UBTD1: variants seen among roughly 807,000 people sequenced by gnomAD.
UBTD1 encodes ubiquitin domain containing 1, also known as ubiquitin domain-containing protein 1.
In UBTD1, 19 loss-of-function variants were observed where a neutral mutation model predicts 21.7. The ratio of observed to expected loss-of-function variants is 0.87; its 90% CI spans 0.61 to 1.28. The LOEUF (loss-of-function observed/expected upper bound fraction) is 1.28, where lower values mean the gene tolerates loss of function less well. UBTD1 is among the 50% of genes most tolerant of loss of function. The pLI is 0.00. For missense variants in UBTD1, 282 were observed against 315.1 expected (o/e 0.89, Z 0.80); for synonymous variants, 116 against 135.1 (o/e 0.86, Z 0.98).
intron 1 of UBTD1, among the ~76,000 whole-genome samples, chr10:97,525,658 G>T (rs1210671157): frequency 6.6e-6 from 1 of 152,056 alleles, no homozygotes; most frequent in South Asian, 2.1e-4. Flanking sequence ...GCCTTCTCTG[G>T]TCCCCCATTC....
At chr10:97,558,184 A>G (rs550862554) in intron 1 of UBTD1, among the ~76,000 whole-genome samples, 15 of 152,034 alleles carry the variant, frequency 9.9e-5, no homozygotes, top group Non-Finnish European at 1.8e-4. Flanking sequence ...GGTTGGGCCT[A>G]CTAGAATAAA....
At chr10:97,505,287 A>G (rs1189705164) in intron 1 of UBTD1, among the ~76,000 whole-genome samples, 1 of 152,220 alleles carries the variant, frequency 6.6e-6, no homozygotes, top group Non-Finnish European at 1.5e-5. Flanking sequence ...TCCCCTGCCT[A>G]GTTCACAGAA....
chr10:97,536,030 T>A (rs2040559836), intron 1 of UBTD1, among the ~76,000 whole-genome samples: 1 of 135,778 alleles, frequency 7.4e-6, no homozygotes, highest in Non-Finnish European at 1.6e-5. Context: ...TTTGCTCTAG[T>A]CACCCAGGCT....
intron 1 of UBTD1, 61 bp downstream of exon 1, chr10:97,499,334 G>C (rs1420329537): frequency 6.6e-7 from 1 of 1,524,312 alleles, no homozygotes; most frequent in South Asian, 1.2e-5. Flanking sequence ...CTCCTCGCCC[G>C]AGTCCTGGGC....
intron 1 of UBTD1, among the ~76,000 whole-genome samples, chr10:97,543,629 G>C (rs74155503): frequency 0.017 from 2,540 of 152,256 alleles, 65 homozygotes; most frequent in African/African-American, 0.057. Context: ...TCACACAGCA[G>C]GTCCTGATGG....
At chr10:97,537,313 C>T (rs1430240713) in intron 1 of UBTD1, among the ~76,000 whole-genome samples, 1 of 152,148 alleles carries the variant, frequency 6.6e-6, no homozygotes, top group East Asian at 1.9e-4. Context: ...TGTCATTTGA[C>T]CATGAAGAAT....
Position 97,542,148 on chromosome 10 carries a change from G to A in UBTD1, c.71-25766G>A, listed in dbSNP as rs775083575. The stretch of plus-strand genomic sequence containing the variant: ...CTGAAGCAGCTGTGGCTGTTCCAGG[G>A]CGGGGGTCAGGCTGAGAGTGGTGCC... On this transcript the variant is annotated intron_variant, in intron 1 of 2. Coordinates refer to ENST00000370664, the MANE Select transcript of UBTD1 (RefSeq NM_024954.5). Among the ~76,000 whole-genome samples the A allele has an allele frequency of 3.4e-4, 52 of 152,194 alleles. 1 individual carries two copies. Among genetic ancestry groups the A allele is most frequent in the Non-Finnish European group, 6.8e-4 (46 of 68,024 alleles).
intron 1 of UBTD1, among the ~76,000 whole-genome samples, chr10:97,540,650 C>T (rs1259441873): frequency 1.3e-5 from 2 of 152,228 alleles, no homozygotes. Flanking sequence ...GAATAACATG[C>T]CTAAGTCATG....
chr10:97,563,653 G>A (rs2040704214), intron 1 of UBTD1, among the ~76,000 whole-genome samples: 1 of 152,154 alleles, frequency 6.6e-6, no homozygotes, highest in East Asian at 1.9e-4. Flanking sequence ...CGGATTAGGG[G>A]TAGTACTAGG....
chr10:97,542,809 A>G (rs751122210), intron 1 of UBTD1, among the ~76,000 whole-genome samples: 3 of 152,188 alleles, frequency 2.0e-5, no homozygotes, highest in Non-Finnish European at 4.4e-5. Flanking sequence ...CACCCTGGCT[A>G]TAAGGGCTGT....
chr10:97,566,099 T>C (rs957459501), intron 1 of UBTD1, among the ~76,000 whole-genome samples: 4 of 152,130 alleles, frequency 2.6e-5, no homozygotes, highest in African/African-American at 9.7e-5. Flanking sequence ...AATTAAACAT[T>C]TTTAAAAAAT....
At chr10:97,517,403 G>C (rs944975220) in intron 1 of UBTD1, among the ~76,000 whole-genome samples, 3 of 152,130 alleles carry the variant, frequency 2.0e-5, no homozygotes, top group African/African-American at 7.2e-5. Context: ...CTGGAGAATG[G>C]CTCCTGGGCC....
rs57859135 is a variant in UBTD1, at chr10:97,537,820, CTTT to C, written c.71-30073_71-30071del. On this transcript the variant is annotated intron_variant, in intron 1 of 2. Coordinates refer to ENST00000370664, the MANE Select transcript of UBTD1 (RefSeq NM_024954.5). The stretch of plus-strand genomic sequence containing the variant: ...GGTGTGTGCTTGTAACAGGCTTTCT[CTTT>C]TTTTTTTTTTTTTTTTTTTTGAGAC... Among the ~76,000 whole-genome samples the C allele has an allele frequency of 1.8e-3, 211 of 119,486 alleles. 1 individual carries two copies. Among genetic ancestry groups the C allele is most frequent in the African/African-American group, 6.6e-3 (205 of 30,984 alleles). 78.4% of individuals were successfully genotyped at this position (119,486 alleles called of 152,430 possible). A position where few individuals can be genotyped will look rare whatever the true frequency, so the allele number is the denominator to read the frequency against.
rs532273813 is a variant in UBTD1 at position 97,539,472 on chromosome 10, G to A, written c.71-28442G>A. 2.4e-3 allele frequency among the ~76,000 whole-genome samples: 361 copies of A among 152,056 alleles called. No homozygotes were observed. The Middle Eastern group carries it at 0.024, about 10-fold the overall frequency. On this transcript the variant is annotated intron_variant, in intron 1 of 2. Coordinates refer to ENST00000370664, the MANE Select transcript of UBTD1 (RefSeq NM_024954.5). ...TAGCTGGGTGTGGTGATGCACACTT[G>A]TGGTCCCAGCTACTCGGGAGGCTAA...
At chr10:97,540,717 A>G (rs908512341) in intron 1 of UBTD1, among the ~76,000 whole-genome samples, 7 of 152,226 alleles carry the variant, frequency 4.6e-5, no homozygotes, top group Non-Finnish European at 4.4e-5. Context: ...CCTTTTGGCA[A>G]CCTACTGGTA....
chr10:97,547,561 T>C (rs2040617008), intron 1 of UBTD1, among the ~76,000 whole-genome samples: 1 of 151,716 alleles, frequency 6.6e-6, no homozygotes, highest in African/African-American at 2.4e-5. Flanking sequence ...GGCAGGAGTT[T>C]TCTTTTCTTT....
intron 1 of UBTD1, among the ~76,000 whole-genome samples, chr10:97,518,342 C>T (rs765608729): frequency 5.9e-5 from 9 of 152,190 alleles, no homozygotes; most frequent in Non-Finnish European, 1.2e-4. Context: ...GTTCTTTCTC[C>T]CTAGCTGCCC....
chr10:97,538,341 A>G (rs2040572865), intron 1 of UBTD1, among the ~76,000 whole-genome samples: 1 of 152,192 alleles, frequency 6.6e-6, no homozygotes, highest in African/African-American at 2.4e-5. Context: ...TATTTTTAAA[A>G]AAGTAAAAAT....
At chr10:97,559,187 G>A (rs558669887) in intron 1 of UBTD1, among the ~76,000 whole-genome samples, 3 of 152,314 alleles carry the variant, frequency 2.0e-5, no homozygotes, top group Admixed American at 6.5e-5. Context: ...CAGGGACTTC[G>A]GGATATAGCA....
Sources: gnomAD v4.1 joint callset for allele counts (sites outside exome capture counted in the v4.1 genomes callset) on GRCh38, gnomAD v4.1.1 for gene constraint, MANE v1.5 for transcripts, NCBI Gene and HGNC (gene_info 2026-07-23, HGNC 2026-07-21) for gene names.